ANO4: variants seen among roughly 807,000 people sequenced by gnomAD.
ANO4 encodes anoctamin-4.
A neutral mutation model predicts 141.9 loss-of-function variants in ANO4; 69 were observed. The observed-to-expected ratio is 0.49, with a 90% confidence interval of 0.40 to 0.59. ANO4 has a LOEUF of 0.59. Among genes scored for constraint, ANO4 ranks in the 20% least tolerant of loss-of-function variants. The pLI is 0.00. For missense variants in ANO4, 894 were observed against 1,162.2 expected (o/e 0.77, Z 3.36); for synonymous variants, 350 against 394.3 (o/e 0.89, Z 1.33).
intron 13 of ANO4, among the ~76,000 whole-genome samples, chr12:101,046,232 G>A (rs1265919673): frequency 6.6e-6 from 1 of 152,230 alleles, no homozygotes; most frequent in African/African-American, 2.4e-5. Context: ...AAGAGGAGGT[G>A]GACTATGGAG....
At position 100,756,459 on chromosome 12, in the gene ANO4, C is replaced by T. The variant is rs569523576; in HGVS notation, c.358+16354C>T. 1.4e-4 allele frequency among the ~76,000 whole-genome samples: 21 copies of T among 152,262 alleles called. No individual in the cohort carries two copies. The Middle Eastern group carries it at 0.01, about 74-fold the overall frequency. ...CTGCCTCCCAGATTCAAGTGATTCT[C>T]CTGCCTCAGCCTCCTGAGTAGCTGA... On this transcript the variant is annotated intron_variant, in intron 3 of 29. Transcript: ENST00000644049.
intron 2 of ANO4, among the ~76,000 whole-genome samples, chr12:100,735,638 G>A (rs994136641): frequency 2.0e-5 from 3 of 152,130 alleles, no homozygotes; most frequent in Admixed American, 6.5e-5. Context: ...GGGTCTAGGG[G>A]GAGAGGGATG....
At chr12:100,939,284 C>A in intron 3 of ANO4, 31 bp from the exon 4 acceptor site, 1 of 1,574,240 alleles carries the variant, frequency 6.4e-7, no homozygotes. Context: ...AGATTTTTAC[C>A]CACCTTATAA....
At chr12:100,937,322 A>G (rs1439921206) in intron 3 of ANO4, among the ~76,000 whole-genome samples, 1 of 152,210 alleles carries the variant, frequency 6.6e-6, no homozygotes, top group African/African-American at 2.4e-5. Context: ...AGTCTAATAA[A>G]TAAATGAACA....
At chr12:100,871,004 C>G (rs2039005864) in intron 1 of ANO4, among the ~76,000 whole-genome samples, 1 of 152,132 alleles carries the variant, frequency 6.6e-6, no homozygotes, top group Non-Finnish European at 1.5e-5. Flanking sequence ...GACAAAAAAC[C>G]TCATCTAATA....
At chr12:101,122,149 G>C (rs1000806172) in intron 26 of ANO4, among the ~76,000 whole-genome samples, 1 of 152,068 alleles carries the variant, frequency 6.6e-6, no homozygotes, top group Non-Finnish European at 1.5e-5. Context: ...GAGATTCTGA[G>C]CATTTTTTCA....
intron 3 of ANO4, among the ~76,000 whole-genome samples, chr12:100,933,896 C>G (rs2042182170): frequency 6.6e-6 from 1 of 152,156 alleles, no homozygotes; most frequent in Admixed American, 6.5e-5. Flanking sequence ...GCCTAGATGT[C>G]TTCTTTTGAG....
intron 9 of ANO4, among the ~76,000 whole-genome samples, chr12:101,022,936 T>G (rs1418112317): frequency 6.6e-6 from 1 of 152,192 alleles, no homozygotes; most frequent in Non-Finnish European, 1.5e-5. Flanking sequence ...AGACGGGGTT[T>G]CACTATGTTG....
chr12:100,728,642 A>G (rs1034980461), intron 1 of ANO4, among the ~76,000 whole-genome samples: 13 of 152,204 alleles, frequency 8.5e-5, no homozygotes, highest in African/African-American at 3.1e-4. Flanking sequence ...TGAAGCTTAA[A>G]TAATGGGTAT....
At chr12:100,850,876 A>G (rs1029017130) in intron 1 of ANO4, among the ~76,000 whole-genome samples, 3 of 152,154 alleles carry the variant, frequency 2.0e-5, no homozygotes, top group African/African-American at 7.2e-5. Flanking sequence ...CTATATGAAA[A>G]TTACATATTT....
intron 1 of ANO4, among the ~76,000 whole-genome samples, chr12:100,807,036 G>T (rs1248970319): frequency 2.0e-5 from 3 of 152,048 alleles, no homozygotes; most frequent in African/African-American, 7.2e-5. Context: ...AACCCACTCT[G>T]AAAAGTCATG....
chr12:100,765,940 C>T (rs551137487), intron 3 of ANO4, among the ~76,000 whole-genome samples: 12 of 151,672 alleles, frequency 7.9e-5, no homozygotes, highest in Admixed American at 1.3e-4. Context: ...TTATTAACTC[C>T]GGTCACCATG....
intron 26 of ANO4, among the ~76,000 whole-genome samples, chr12:101,122,978 A>G (rs935148567): frequency 2.6e-5 from 4 of 152,100 alleles, no homozygotes; most frequent in Admixed American, 6.6e-5. Flanking sequence ...TATATTATCT[A>G]TTTTCTTTCA....
intron 2 of ANO4, among the ~76,000 whole-genome samples, chr12:100,903,842 A>G (rs181471814): frequency 1.4e-4 from 21 of 152,336 alleles, no homozygotes; most frequent in Admixed American, 9.1e-4. Context: ...TCATTGCAGC[A>G]CTAGATTAGT....
At position 100,832,304 on chromosome 12, in the gene ANO4, A is replaced by G. The variant is rs186484395; in HGVS notation, c.-141+37277A>G. 3.1e-3 allele frequency among the ~76,000 whole-genome samples: 469 copies of G among 152,218 alleles called. 8 individuals are homozygous for G. Among genetic ancestry groups the G allele is most frequent in the Non-Finnish European group, 5.0e-4 (34 of 67,988 alleles). ...GGTCCTAAATTATTTTTTGTTCTAT[A>G]CAGGAATCCTTTCTGTAAAACCCTT... On this transcript the variant is annotated intron_variant, in intron 1 of 27. Coordinates refer to ENST00000392977, the MANE Select transcript of ANO4 (RefSeq NM_001286615.2).
At chr12:100,813,630 A>G (rs932242241) in intron 1 of ANO4, among the ~76,000 whole-genome samples, 1 of 152,192 alleles carries the variant, frequency 6.6e-6, no homozygotes. Flanking sequence ...CATATGCTAC[A>G]TTGGGATAAA....
chr12:101,116,929 G>T (rs1339564864), intron 25 of ANO4, 131 bp downstream of exon 25: 4 of 1,261,858 alleles, frequency 3.2e-6, no homozygotes, highest in Non-Finnish European at 4.4e-6. Context: ...TGCATTAAAA[G>T]CACATGAAGA....
chr12:100,993,915 G>T (rs1378840846), intron 8 of ANO4, among the ~76,000 whole-genome samples: 1 of 152,194 alleles, frequency 6.6e-6, no homozygotes, highest in Non-Finnish European at 1.5e-5. Context: ...AAGGCTCTAG[G>T]TCTCACCCTT....
At chr12:101,008,390 C>T (rs2045952230) in intron 8 of ANO4, among the ~76,000 whole-genome samples, 1 of 152,108 alleles carries the variant, frequency 6.6e-6, no homozygotes, top group Non-Finnish European at 1.5e-5. Context: ...TATTACTTTG[C>T]TGTTTTTCAG....
Sources: allele counts gnomAD v4.1 joint callset (sites outside exome capture counted in the v4.1 genomes callset), GRCh38; gene constraint gnomAD v4.1.1; transcripts MANE v1.5; gene names NCBI Gene and HGNC (gene_info 2026-07-23, HGNC 2026-07-21).